Variants in TRPM6 observed in about 807,000 individuals in gnomAD.
TRPM6 encodes the protein transient receptor potential cation channel subfamily M member 6.
Under a neutral mutation model 247.6 loss-of-function variants are expected in TRPM6, and 111 were observed. That is an observed-to-expected ratio of 0.45 (90% CI 0.38 to 0.52). TRPM6 has a LOEUF of 0.52. Ranked by LOEUF, TRPM6 falls within the 20% of genes least tolerant of loss-of-function variation. TRPM6 has a pLI of 0.00. For synonymous variants in TRPM6, 892 were observed against 853.8 expected, an observed-to-expected ratio of 1.04 and a Z score of -0.78; for missense variants, 2,126 against 2,421.5, an observed-to-expected ratio of 0.88 and a Z score of 2.56.
rs1322979021 is a variant in TRPM6 at position 74,775,819 on chromosome 9, G to A, written c.3403+64C>T. The A allele has an allele frequency of 5.2e-6, 8 of 1,526,290 alleles. No individual in the cohort carries two copies. The Admixed American group carries it at 1.3e-4, about 25-fold the overall frequency. The allele number at this position is 1,526,290 out of a possible 1,614,324, so 94.5% of individuals were successfully genotyped here. On this transcript the variant is annotated intron_variant, in intron 24 of 38. Coordinates refer to ENST00000360774, the MANE Select transcript of TRPM6 (RefSeq NM_017662.5). ...CCTGAACTTAATTTATAATACTCCA[G>A]TGCATCTTTGCCTTGAATCCTACTT...
intron 4 of TRPM6, 44 bp from the exon 5 acceptor site, chr9:74,840,281 G>T (rs1564041455): frequency 3.5e-6 from 5 of 1,422,356 alleles, no homozygotes; most frequent in Admixed American, 1.8e-5. Context: ...TTGTAAAAAA[G>T]TTATGCCAGG....
At chr9:74,750,925 A>G (rs545096376) in intron 29 of TRPM6, among the ~76,000 whole-genome samples, 2 of 152,330 alleles carry the variant, frequency 1.3e-5, no homozygotes, top group South Asian at 2.1e-4. Context: ...CAGTGTGTTG[A>G]TGGACTTTAA....
chr9:74,828,050 T>A, intron 6 of TRPM6, 101 bp from the exon 7 acceptor site: 1 of 1,305,630 alleles, frequency 7.7e-7, no homozygotes, highest in Non-Finnish European at 1.1e-6. Context: ...AGTTCCTGTC[T>A]AGTTTAAAAA....
At chr9:74,796,977 G>A (rs1451202557) in intron 17 of TRPM6, 84 bp from the exon 18 acceptor site, 1 of 1,302,466 alleles carries the variant, frequency 7.7e-7, no homozygotes, top group Non-Finnish European at 1.1e-6. Context: ...GAATTTCAGT[G>A]TATATAAAAT....
At chr9:74,846,948 T>C (rs1027693184) in intron 3 of TRPM6, among the ~76,000 whole-genome samples, 3 of 152,196 alleles carry the variant, frequency 2.0e-5, no homozygotes, top group African/African-American at 4.8e-5. Context: ...AAAAGCCTAG[T>C]CATCAGTCCT....
At chr9:74,725,535 T>TG (rs1460440090) in intron 38 of TRPM6, among the ~76,000 whole-genome samples, 2 of 152,146 alleles carry the variant, frequency 1.3e-5, no homozygotes, top group Non-Finnish European at 2.9e-5. Flanking sequence ...CCACGTGTCA[T>TG]GGGGGGAATC....
Position 74,762,063 on chromosome 9 carries a change from G to C in TRPM6, c.4608C>G (p.Phe1536Leu), listed in dbSNP as rs138213738. Residue 1536 changes from phenylalanine to leucine, a missense_variant, in exon 26 of 39, where the codon TTC (phenylalanine) becomes TTG (leucine). By Grantham distance (22) the Phe-to-Leu change is conservative. Around this residue, in one of 3 missense-constraint regions of TRPM6, gnomAD observed 717 missense variants for 715.9 expected, o/e 1.00. Transcript: ENST00000360774. Reference sequence around the variant, plus strand: ...GGAATCTAAAACTATGACTCCTAGCGAAGGGCCTGTATCTGCGGAGAGGAT... The same window carrying C: ...GGAATCTAAAACTATGACTCCTAGCCAAGGGCCTGTATCTGCGGAGAGGAT... ...WINPLRRYRP[F>L]ARSHSFRFHK... is the part of the protein sequence containing the mutation. The C allele has an allele frequency of 2.5e-6, 4 of 1,614,150 alleles. No individual in the cohort carries two copies. The highest frequency in any genetic ancestry group is 3.4e-6 in the Non-Finnish European group (4 of 1,180,016).
chr9:74,781,676 G>T (rs756008719), intron 23 of TRPM6, among the ~76,000 whole-genome samples: 15 of 152,106 alleles, frequency 9.9e-5, no homozygotes, highest in Non-Finnish European at 1.8e-4. Flanking sequence ...GGGGAAGCTG[G>T]GAGCAAGTGA....
Position 74,732,725 on chromosome 9 carries a change from T to A in TRPM6, c.5788A>T (p.Asn1930Tyr), listed in dbSNP as rs768311778. The A allele has an allele frequency of 6.2e-7, 1 of 1,609,324 alleles. No individual in the cohort carries two copies. Among genetic ancestry groups the A allele is most frequent in the Non-Finnish European group, 8.5e-7 (1 of 1,177,732 alleles). The stretch of plus-strand genomic sequence containing the variant: ...TTTATAACAGATGGATCTGTCAAAT[T>A]TTCTCCAACACCTCAAAAGAAGAAA... ...LVLDLQGVGE[N>Y]LTDPSVIKPE... The change falls in exon 37 of 39, where the codon AAT becomes TAT. Residue 1930 changes from asparagine (N) to tyrosine (Y), a missense_variant. This residue lies in a region of TRPM6 where 327 missense variants were observed against 397.7 expected (regional missense o/e 0.82). Coordinates refer to ENST00000360774, the MANE Select transcript of TRPM6 (RefSeq NM_017662.5).
At chr9:74,738,868 C>A (rs1245612777) in intron 35 of TRPM6, among the ~76,000 whole-genome samples, 2 of 152,152 alleles carry the variant, frequency 1.3e-5, no homozygotes, top group East Asian at 3.9e-4. Flanking sequence ...TCTTGCTGTG[C>A]TCTATAAAGT....
At chr9:74,834,556 T>G (rs1414135323) in intron 5 of TRPM6, among the ~76,000 whole-genome samples, 1 of 152,094 alleles carries the variant, frequency 6.6e-6, no homozygotes, top group Non-Finnish European at 1.5e-5. Context: ...GTTGGTTTGC[T>G]GCACCCATTA....
chr9:74,749,157 C>T (rs1228256201), intron 30 of TRPM6, among the ~76,000 whole-genome samples: 2 of 152,092 alleles, frequency 1.3e-5, no homozygotes, highest in African/African-American at 4.8e-5. Flanking sequence ...TGTGTAAATG[C>T]ACTCTACGAT....
At chr9:74,787,610 A>G (rs984191094) in intron 20 of TRPM6, among the ~76,000 whole-genome samples, 5 of 152,242 alleles carry the variant, frequency 3.3e-5, no homozygotes, top group African/African-American at 1.2e-4. Flanking sequence ...CAAAATAAAT[A>G]TAGGTAAATA....
At chr9:74,811,758 T>G (rs905637822) in intron 12 of TRPM6, among the ~76,000 whole-genome samples, 1 of 152,204 alleles carries the variant, frequency 6.6e-6, no homozygotes, top group Admixed American at 6.5e-5. Flanking sequence ...AGCTGATCAA[T>G]AAATAATTAC....
intron 21 of TRPM6, among the ~76,000 whole-genome samples, chr9:74,783,410 C>A (rs1827532053): frequency 6.6e-6 from 1 of 152,180 alleles, no homozygotes; most frequent in Non-Finnish European, 1.5e-5. Flanking sequence ...GCTTTCCTTC[C>A]ATTAGGCTGG....
Position 74,755,398 on chromosome 9 carries a change from C to T in TRPM6, c.4861G>A (p.Glu1621Lys), listed in dbSNP as rs1313578803. ...EPGENSISEE[E>K]YSKNWFTVSK... ...ACTGTGAACCAGTTCTTGCTGTACT[C>T]CTCTTCAGAGATGCTGTTTTCTCCT... Residue 1621 changes from glutamate (E) to lysine (K), a missense_variant, in exon 28 of 39, where the codon GAG becomes AAG. Physicochemically the swap from Glu to Lys is moderately conservative, Grantham distance 56 (BLOSUM62 1). Coordinates refer to ENST00000360774, the MANE Select transcript of TRPM6 (RefSeq NM_017662.5). The T allele has an allele frequency of 1.2e-6, 2 of 1,614,116 alleles. No homozygotes were observed. Among genetic ancestry groups the T allele is most frequent in the South Asian group, 2.2e-5 (2 of 91,074 alleles).
chr9:74,859,492 G>C (rs370385009), intron 1 of TRPM6, among the ~76,000 whole-genome samples: 29 of 152,346 alleles, frequency 1.9e-4, no homozygotes, highest in African/African-American at 7.0e-4. Context: ...ACGTGTCCTA[G>C]CTGGGCGTGG....
Position 74,808,100 on chromosome 9 carries a change from T to A in TRPM6, c.1572A>T (p.Ala524=), listed in dbSNP as rs1402945168. The A allele has an allele frequency of 6.2e-7, 1 of 1,613,908 alleles. No homozygotes were observed. The highest frequency in any genetic ancestry group is 8.5e-7 in the Non-Finnish European group (1 of 1,179,934). ...GLVVEYLIGR[A]YRSNYTRKHF... is the part of the protein sequence containing the mutation. ...GTTTTCTAGTGTAGTTGCTGCGATA[T>A]GCTCTACCAATGAGGTATTCTACTA... Residue 524 remains alanine (A), a synonymous_variant, in exon 14 of 39, where the codon GCA becomes GCT. Transcript: ENST00000360774.
chr9:74,873,634 T>C (rs1329992844), intron 1 of TRPM6, among the ~76,000 whole-genome samples: 1 of 152,190 alleles, frequency 6.6e-6, no homozygotes, highest in Non-Finnish European at 1.5e-5. Context: ...TCTAAGAGAT[T>C]TCCAACAATT....
Sources: gnomAD v4.1 joint callset for allele counts (sites outside exome capture counted in the v4.1 genomes callset) on GRCh38, gnomAD v4.1.1 for gene constraint, gnomAD v4.1.1 regional missense constraint, MANE v1.5 for transcripts, NCBI Gene and HGNC (gene_info 2026-07-23, HGNC 2026-07-21) for gene names.